The following DDX46 variants were observed in gnomAD, a reference collection of about 807,000 sequenced individuals.
DDX46 encodes DEAD-box helicase 46.
Under a neutral mutation model 134.9 loss-of-function variants are expected in DDX46, and 30 were observed. The observed-to-expected ratio is 0.22, with a 90% CI of 0.17 to 0.30. The LOEUF (loss-of-function observed/expected upper bound fraction) is 0.30, where lower values mean the gene tolerates loss of function less well. DDX46 is among the 10% of genes least tolerant of loss of function. The probability of loss-of-function intolerance (pLI) is 1.00; values close to 1 mark genes in which losing one functional copy is unlikely to be tolerated. For synonymous variants in DDX46, 415 were observed against 404.1 expected (o/e 1.03, Z -0.32); for missense variants, 622 against 1,248.7 (o/e 0.50, Z 7.56).
At chr5:134,788,268 T>A (rs1754400622) in intron 11 of DDX46, among the ~76,000 whole-genome samples, 1 of 152,086 alleles carries the variant, frequency 6.6e-6, no homozygotes, top group East Asian at 1.9e-4. Flanking sequence ...CTTAAGTTCA[T>A]TTCTTGGTTT....
At chr5:134,817,198 A>G (rs1394021542) in intron 19 of DDX46, 1 of 301,484 alleles carries the variant, frequency 3.3e-6, no homozygotes, top group African/African-American at 2.2e-5. Flanking sequence ...GATTTTCGAA[A>G]TATTTACTGT....
At chr5:134,784,863 A>G (rs1043040274) in intron 10 of DDX46, among the ~76,000 whole-genome samples, 2 of 152,190 alleles carry the variant, frequency 1.3e-5, no homozygotes, top group African/African-American at 4.8e-5. Flanking sequence ...ATCAGTGGAT[A>G]TATAAAAGCG....
At chr5:134,783,109 C>A in intron 9 of DDX46, 44 bp downstream of exon 9, 1 of 1,601,488 alleles carries the variant, frequency 6.2e-7, no homozygotes, top group South Asian at 1.1e-5. Flanking sequence ...TCTTGCTGCT[C>A]AAAATAGTCC....
At chr5:134,813,832 C>T (rs962719792) in intron 18 of DDX46, among the ~76,000 whole-genome samples, 1 of 151,472 alleles carries the variant, frequency 6.6e-6, no homozygotes, top group Non-Finnish European at 1.5e-5. Context: ...ACTGTGTTGC[C>T]TAGGTTGGTC....
chr5:134,823,666 C>T (rs1261529440), intron 21 of DDX46, among the ~76,000 whole-genome samples: 2 of 152,086 alleles, frequency 1.3e-5, no homozygotes, highest in Non-Finnish European at 2.9e-5. Context: ...TGCCAATGAC[C>T]CAGTATGTTT....
chr5:134,793,363 G>A (rs555702766), intron 13 of DDX46, among the ~76,000 whole-genome samples: 2 of 152,302 alleles, frequency 1.3e-5, no homozygotes, highest in South Asian at 4.1e-4. Context: ...AAGCAGTAGT[G>A]TGCTTCCAGG....
intron 15 of DDX46, among the ~76,000 whole-genome samples, chr5:134,800,443 T>C (rs929391334): frequency 6.6e-6 from 1 of 152,166 alleles, no homozygotes; most frequent in African/African-American, 2.4e-5. Flanking sequence ...AATATTCTAT[T>C]ATATGACTAT....
chr5:134,775,358 G>A (rs1267383497), intron 5 of DDX46, among the ~76,000 whole-genome samples: 1 of 152,106 alleles, frequency 6.6e-6, no homozygotes, highest in African/African-American at 2.4e-5. Flanking sequence ...AGGAAAATGG[G>A]ATTTTGGTCC....
intron 12 of DDX46, 58 bp from the exon 13 acceptor site, chr5:134,790,412 A>G: frequency 6.6e-7 from 1 of 1,506,390 alleles, no homozygotes; most frequent in Non-Finnish European, 9.0e-7. Context: ...GTAGCCATAA[A>G]ATGAATTGTG....
At chr5:134,811,636 T>A in intron 17 of DDX46, 60 bp from the exon 18 acceptor site, 1 of 1,510,366 alleles carries the variant, frequency 6.6e-7, no homozygotes, top group Non-Finnish European at 8.9e-7. Context: ...TTAATTAGTA[T>A]GAATTCCTAA....
At chr5:134,770,349 T>C (rs1472721742) in intron 3 of DDX46, among the ~76,000 whole-genome samples, 1 of 152,076 alleles carries the variant, frequency 6.6e-6, no homozygotes, top group Non-Finnish European at 1.5e-5. Flanking sequence ...TAGGTAGGAC[T>C]GCAGGTGCAC....
In DDX46 at chr5:134,763,969, C is replaced by T; in HGVS notation, c.83C>T (p.Ser28Leu). ...SGSRSRSRSP[S>L]DKRSKRGDDR... is the part of the protein sequence containing the mutation. ...AGTCGGTCTAGAAGTCGCTCACCCT[C>T]AGACAAAAGAAGTAAACGTGGAGAT... is the stretch of plus-strand genomic sequence containing the variant. Residue 28 changes from serine (S) to leucine (L), a missense_variant, in exon 2 of 23, where the codon TCA becomes TTA. Ser to Leu is a moderately radical substitution (Grantham distance 145). Transcript: ENST00000452510. 3 of 1,614,190 alleles carry T rather than the reference C, an allele frequency of 1.9e-6. No homozygotes were observed. Among genetic ancestry groups the T allele is most frequent in the South Asian group, 2.2e-5 (2 of 91,086 alleles).
At chr5:134,826,886 T>TA (rs1221377128) in intron 21 of DDX46, 61 bp from the exon 22 acceptor site, 10 of 1,513,000 alleles carry the variant, frequency 6.6e-6, no homozygotes, top group Non-Finnish European at 7.2e-6. Flanking sequence ...ACCTCCGTGA[T>TA]ATGGGTAAAC....
intron 16 of DDX46, among the ~76,000 whole-genome samples, chr5:134,808,482 C>G (rs1249376202): frequency 6.6e-6 from 1 of 152,140 alleles, no homozygotes; most frequent in South Asian, 2.1e-4. Context: ...AGTACAATTT[C>G]TACTGAATGC....
chr5:134,778,238 G>A (rs946165877), intron 6 of DDX46, among the ~76,000 whole-genome samples: 2 of 151,960 alleles, frequency 1.3e-5, no homozygotes, highest in South Asian at 2.1e-4. Context: ...CGCTGGTCTC[G>A]AATTCCTGGC....
At chr5:134,771,886 G>T (rs1753784401) in intron 4 of DDX46, among the ~76,000 whole-genome samples, 1 of 152,254 alleles carries the variant, frequency 6.6e-6, no homozygotes, top group Middle Eastern at 3.4e-3. Context: ...CATACAAAGT[G>T]CAGTCTTACC....
At chr5:134,820,727 T>C (rs147004170) in intron 21 of DDX46, among the ~76,000 whole-genome samples, 3 of 152,352 alleles carry the variant, frequency 2.0e-5, no homozygotes, top group Admixed American at 6.5e-5. Context: ...AGTTCAGTCC[T>C]CAGTACCTTC....
At chr5:134,785,880 G>T (rs1371034963) in intron 11 of DDX46, among the ~76,000 whole-genome samples, 2 of 150,216 alleles carry the variant, frequency 1.3e-5, no homozygotes, top group Admixed American at 1.3e-4. Flanking sequence ...ATGGAGTCTC[G>T]CTCTGTCACA....
At chr5:134,810,648 G>C (rs577275146) in intron 16 of DDX46, among the ~76,000 whole-genome samples, 1 of 151,368 alleles carries the variant, frequency 6.6e-6, no homozygotes, top group Admixed American at 6.6e-5. Flanking sequence ...CCAGCCAATT[G>C]CATATATTTC....
Sources: allele counts gnomAD v4.1 joint callset (sites outside exome capture counted in the v4.1 genomes callset), GRCh38; gene constraint gnomAD v4.1.1; transcripts MANE v1.5; gene names NCBI Gene and HGNC (gene_info 2026-07-23, HGNC 2026-07-21).